Variants in SOS2 observed in about 807,000 individuals in gnomAD.
SOS2 encodes the protein SOS Ras/Rho guanine nucleotide exchange factor 2.
Under a neutral mutation model 148.2 loss-of-function variants are expected in SOS2, and 65 were observed. That is an observed-to-expected ratio of 0.44 (90% CI 0.36 to 0.54). The LOEUF (loss-of-function observed/expected upper bound fraction) is 0.54, where lower values mean the gene tolerates loss of function less well. SOS2 is among the 20% of genes least tolerant of loss of function. The pLI is 0.00. For synonymous variants in SOS2, 539 were observed against 537.1 expected, an observed-to-expected ratio of 1.00 and a Z score of -0.05; for missense variants, 1,341 against 1,590.2, an observed-to-expected ratio of 0.84 and a Z score of 2.67.
chr14:50,145,892 T>C (rs1216852171), intron 14 of SOS2, among the ~76,000 whole-genome samples: 1 of 152,128 alleles, frequency 6.6e-6, no homozygotes, highest in Non-Finnish European at 1.5e-5. Context: ...CCCAGCGCTT[T>C]GGGAGGCCGA....
chr14:50,182,229 C>T (rs1447079050), intron 6 of SOS2, among the ~76,000 whole-genome samples: 1 of 152,028 alleles, frequency 6.6e-6, no homozygotes, highest in Non-Finnish European at 1.5e-5. Context: ...GAGACAGGGT[C>T]TCACTCTGTC....
intron 21 of SOS2, among the ~76,000 whole-genome samples, chr14:50,125,405 C>T (rs1018752422): frequency 2.6e-5 from 4 of 152,154 alleles, no homozygotes; most frequent in South Asian, 2.1e-4. Flanking sequence ...TACATTTTTG[C>T]TCTTTTAAGC....
chr14:50,174,516 C>T lies in SOS2; in HGVS notation c.1006G>A (p.Val336Ile), dbSNP rs1566837949. 2 of 1,609,668 alleles carry T rather than the reference C, an allele frequency of 1.2e-6. No homozygotes were observed. Among genetic ancestry groups the T allele is most frequent in the Non-Finnish European group, 1.7e-6 (2 of 1,177,226 alleles). ...GGCACCAGCATAAGACGTGGAAGGA[C>T]ATAACGAACTGCCTCTTTAAAACCA... is the stretch of plus-strand genomic sequence containing the variant. ...ADGFKEAVRY[V>I]LPRLMLVPVY... The change falls in exon 8 of 23, where the codon GTC becomes ATC. Residue 336 changes from valine to isoleucine, a missense_variant. Transcript: ENST00000216373.
intron 1 of SOS2, among the ~76,000 whole-genome samples, chr14:50,221,546 G>A (rs1280709246): frequency 6.6e-6 from 1 of 152,154 alleles, no homozygotes; most frequent in Admixed American, 6.5e-5. Flanking sequence ...ATAAATCCTA[G>A]ACACTAAACA....
In SOS2 at chr14:50,120,309, C is replaced by T; in HGVS notation, c.3455G>A (p.Arg1152Gln). Residue 1152 changes from arginine to glutamine, a missense_variant, in exon 22 of 23, where the codon CGA becomes CAA. Arg to Gln is a conservative substitution (Grantham distance 43, BLOSUM62 1). This residue lies in a region of SOS2 where 354 missense variants were observed against 347.7 expected (regional missense o/e 1.02). Transcript: ENST00000216373. ...TGAAGCATCATGATCAAACTTTTTT[C>T]GAGGAGGAAGAGGAGGAGGAATCAG... ...EPLIPPPLPP[R>Q]KKFDHDASNS... The T allele has an allele frequency of 6.2e-7, 1 of 1,604,402 alleles. No homozygotes were observed.
intron 22 of SOS2, among the ~76,000 whole-genome samples, chr14:50,119,514 CTCTT>C (rs1165417617): frequency 1.3e-5 from 2 of 152,024 alleles, no homozygotes; most frequent in Non-Finnish European, 2.9e-5. Flanking sequence ...TACTTCCAGC[CTCTT>C]TTTTATTTTT....
intron 13 of SOS2, 42 bp from the exon 14 acceptor site, chr14:50,150,272 A>T (rs750981172): frequency 1.6e-6 from 2 of 1,254,642 alleles, no homozygotes; most frequent in Non-Finnish European, 2.3e-6. Flanking sequence ...TTTACTTGAC[A>T]GACATGACTG....
At chr14:50,193,773 T>C (rs965476737) in intron 4 of SOS2, among the ~76,000 whole-genome samples, 1 of 151,354 alleles carries the variant, frequency 6.6e-6, no homozygotes, top group Non-Finnish European at 1.5e-5. Flanking sequence ...TTTTGAGACA[T>C]AGTTTCACTT....
intron 8 of SOS2, among the ~76,000 whole-genome samples, chr14:50,174,132 C>T (rs146578172): frequency 1.5e-4 from 23 of 152,208 alleles, no homozygotes; most frequent in Admixed American, 4.6e-4. Context: ...CCAATGTGAC[C>T]AGGACTAGTG....
chr14:50,143,101 CAG>C (rs1391741527), intron 16 of SOS2, among the ~76,000 whole-genome samples: 2 of 151,904 alleles, frequency 1.3e-5, no homozygotes, highest in African/African-American at 4.8e-5. Flanking sequence ...AAAAGACAAA[CAG>C]AAATGAGAAT....
intron 1 of SOS2, among the ~76,000 whole-genome samples, chr14:50,227,737 T>A (rs1157859866): frequency 6.6e-6 from 1 of 152,230 alleles, no homozygotes; most frequent in Admixed American, 6.5e-5. Flanking sequence ...TCTGTGTTTC[T>A]ATGTAATGCA....
chr14:50,218,139 CAA>C (rs951095318), intron 1 of SOS2, among the ~76,000 whole-genome samples: 6 of 52,150 alleles, frequency 1.2e-4, no homozygotes, highest in Admixed American at 2.2e-4. Context: ...CTCTTAAAAA[CAA>C]AAAAAAAAAA....
At chr14:50,180,778 G>T in intron 6 of SOS2, 96 bp from the exon 7 acceptor site, 1 of 653,554 alleles carries the variant, frequency 1.5e-6, no homozygotes, top group Non-Finnish European at 2.6e-6. Context: ...AGGAGTTCGA[G>T]GTTACAGTGA....
intron 4 of SOS2, among the ~76,000 whole-genome samples, chr14:50,196,101 C>G (rs1886302307): frequency 6.6e-6 from 1 of 152,154 alleles, no homozygotes; most frequent in African/African-American, 2.4e-5. Context: ...CATGTGGAAT[C>G]TGGAACAAAC....
intron 4 of SOS2, among the ~76,000 whole-genome samples, chr14:50,192,675 C>A (rs1886182438): frequency 6.6e-6 from 1 of 152,086 alleles, no homozygotes; most frequent in Admixed American, 6.5e-5. Flanking sequence ...ACCAGCCTGG[C>A]CAACACGGCA....
rs1594951435 is a variant in SOS2, at chr14:50,118,722, T to C, written c.3621A>G (p.Pro1207=). The C allele has an allele frequency of 1.9e-6, 3 of 1,612,706 alleles. No homozygotes were observed. Among genetic ancestry groups the C allele is most frequent in the East Asian group, 2.2e-5 (1 of 44,824 alleles). The change falls in exon 23 of 23, where the codon CCA becomes CCG. Residue 1207 remains proline (P), a synonymous_variant. Transcript: ENST00000216373. ...DGPLHSPPPP[P]PRDPLPDTPP... ...GGGTATCAGGAAGAGGATCTCTTGG[T>C]GGTGGCGGAGGTGGACTATGCAGAG...
Position 50,161,763 on chromosome 14 carries a change from C to A in SOS2, c.1069-154G>T, listed in dbSNP as rs12717405. Among the ~76,000 whole-genome samples the A allele has an allele frequency of 0.99, 149,156 of 151,222 alleles. 73,583 individuals carry two copies. The highest frequency in any genetic ancestry group is 1 in the Middle Eastern group (290 of 290). ...GCTATAATTTTATATATACCTACTGCCCTCTCAAACCAACCCTTTTTCTTT... is the reference window on the plus strand; with the variant it reads ...GCTATAATTTTATATATACCTACTGACCTCTCAAACCAACCCTTTTTCTTT... On this transcript the variant is annotated intron_variant, in intron 8 of 22. Transcript: ENST00000216373.
intron 7 of SOS2, among the ~76,000 whole-genome samples, chr14:50,178,711 T>TATATATATACAC (rs1237281191): frequency 3.3e-5 from 4 of 120,446 alleles, no homozygotes; most frequent in Non-Finnish European, 6.6e-5. Context: ...TATATATATA[T>TATATATATACAC]ACACACATAT....
intron 16 of SOS2, among the ~76,000 whole-genome samples, chr14:50,144,361 AT>A (rs921148579): frequency 3.6e-4 from 55 of 152,186 alleles, no homozygotes; most frequent in African/African-American, 1.3e-3. Flanking sequence ...TATATGCAAA[AT>A]ATCTTCCTAT....
Sources: gnomAD v4.1 joint callset for allele counts (sites outside exome capture counted in the v4.1 genomes callset) on GRCh38, gnomAD v4.1.1 for gene constraint, gnomAD v4.1.1 regional missense constraint, MANE v1.5 for transcripts, NCBI Gene and HGNC (gene_info 2026-07-23, HGNC 2026-07-21) for gene names.